The following RFX3 variants were observed in gnomAD, a reference collection of about 807,000 sequenced individuals.
RFX3 encodes the protein regulatory factor X3.
RFX3 carries 14 observed loss-of-function variants against 98.6 expected under a neutral mutation model. The ratio of observed to expected loss-of-function variants is 0.14; its 90% CI spans 0.09 to 0.22. The LOEUF (loss-of-function observed/expected upper bound fraction) is 0.22. Among genes scored for constraint, RFX3 ranks in the 10% least tolerant of loss-of-function variants. RFX3 has a pLI of 1.00. For synonymous variants in RFX3, 383 were observed against 328.4 expected (o/e 1.17, Z -1.80); for missense variants, 639 against 926.9 (o/e 0.69, Z 4.03).
intron 1 of RFX3, among the ~76,000 whole-genome samples, chr9:3,460,833 C>A (rs1389741630): frequency 6.6e-6 from 1 of 151,870 alleles, no homozygotes; most frequent in East Asian, 1.9e-4. Flanking sequence ...TGAGAAAAGA[C>A]AATGCTTCCC....
chr9:3,471,870 G>A (rs564600277), intron 1 of RFX3, among the ~76,000 whole-genome samples: 4 of 152,144 alleles, frequency 2.6e-5, no homozygotes, highest in Admixed American at 2.6e-4. Flanking sequence ...AATGCACTGC[G>A]ATTACTGAAT....
At chr9:3,490,045 A>G (rs762493818) in intron 1 of RFX3, among the ~76,000 whole-genome samples, 8 of 152,224 alleles carry the variant, frequency 5.3e-5, no homozygotes, top group East Asian at 3.8e-4. Flanking sequence ...CTGAAAACAC[A>G]TAACTATGTA....
chr9:3,406,077 C>G (rs926487481), intron 1 of RFX3, among the ~76,000 whole-genome samples: 2 of 152,092 alleles, frequency 1.3e-5, no homozygotes, highest in Non-Finnish European at 2.9e-5. Context: ...CCATCTCAGC[C>G]TCCTTAGTAG....
chr9:3,359,595 G>C (rs1281287946), intron 2 of RFX3, among the ~76,000 whole-genome samples: 2 of 152,016 alleles, frequency 1.3e-5, no homozygotes, highest in African/African-American at 4.8e-5. Context: ...ATATAGAGCA[G>C]CAACATTTTT....
At chr9:3,385,250 G>A (rs545611924) in intron 2 of RFX3, among the ~76,000 whole-genome samples, 1 of 152,150 alleles carries the variant, frequency 6.6e-6, no homozygotes, top group South Asian at 2.1e-4. Flanking sequence ...CATTTTATAG[G>A]ACACATTGAA....
intron 1 of RFX3, among the ~76,000 whole-genome samples, chr9:3,460,092 T>C (rs6476451): frequency 0.21 from 32,420 of 152,002 alleles, 6,058 homozygotes; most frequent in African/African-American, 0.51. Context: ...CCCAGTCTGG[T>C]ATCTTTCTCT....
intron 1 of RFX3, among the ~76,000 whole-genome samples, chr9:3,417,358 C>A (rs962581343): frequency 5.9e-5 from 9 of 151,994 alleles, no homozygotes; most frequent in African/African-American, 2.2e-4. Flanking sequence ...GAACATTCTA[C>A]CCAAAAACAG....
At chr9:3,308,942 C>T (rs1427139460) in intron 4 of RFX3, among the ~76,000 whole-genome samples, 3 of 151,934 alleles carry the variant, frequency 2.0e-5, no homozygotes, top group Non-Finnish European at 4.4e-5. Context: ...CCAGGAGTTG[C>T]CTTCATTTGG....
chr9:3,438,912 T>C (rs1176583000), intron 1 of RFX3, among the ~76,000 whole-genome samples: 1 of 151,998 alleles, frequency 6.6e-6, no homozygotes, highest in Admixed American at 6.6e-5. Flanking sequence ...AACCAAGATT[T>C]ATAATATTCT....
intron 1 of RFX3, among the ~76,000 whole-genome samples, chr9:3,492,846 T>C (rs947468885): frequency 3.3e-5 from 5 of 152,320 alleles, no homozygotes; most frequent in African/African-American, 7.2e-5. Context: ...CAGAGGATGT[T>C]TGATTTAACC....
At chr9:3,312,053 T>C (rs1830023663) in intron 4 of RFX3, among the ~76,000 whole-genome samples, 1 of 152,208 alleles carries the variant, frequency 6.6e-6, no homozygotes, top group Non-Finnish European at 1.5e-5. Flanking sequence ...ACAGAATTAA[T>C]AATGTAGGTA....
intron 3 of RFX3, among the ~76,000 whole-genome samples, chr9:3,335,574 C>T (rs558420936): frequency 2.0e-5 from 3 of 152,212 alleles, no homozygotes; most frequent in Non-Finnish European, 4.4e-5. Context: ...AGATAAATCC[C>T]CAAGCAATTC....
intron 15 of RFX3, among the ~76,000 whole-genome samples, chr9:3,234,619 A>T (rs563911209): frequency 6.6e-6 from 1 of 152,288 alleles, no homozygotes; most frequent in Non-Finnish European, 1.5e-5. Flanking sequence ...AGCCTGGGTG[A>T]CAGAGCAAGA....
At chr9:3,431,064 C>A (rs905045059) in intron 1 of RFX3, among the ~76,000 whole-genome samples, 3 of 152,102 alleles carry the variant, frequency 2.0e-5, no homozygotes, top group African/African-American at 4.8e-5. Context: ...AACTATAATA[C>A]CTACTGTGCA....
Position 3,222,572 on chromosome 9 carries a change from T to C in RFX3, c.*2470A>G, listed in dbSNP as rs1025644818. On this transcript the variant is annotated 3_prime_UTR_variant, in exon 17 of 17. Transcript: ENST00000617270. ...AAATACATTTGGTCCAATACAGATA[T>C]AGTATCACTCAAAGGATGGCGGGTA... 2 of 150,146 alleles carry C rather than the reference T, an allele frequency of 1.3e-5. No homozygotes were observed. The highest frequency in any genetic ancestry group is 6.6e-5 in the Admixed American group (1 of 15,236). The allele number at this position is 150,146 out of a possible 1,614,324, so 9.3% of individuals were successfully genotyped here.
At chr9:3,485,657 G>T (rs1850199204) in intron 1 of RFX3, among the ~76,000 whole-genome samples, 1 of 152,108 alleles carries the variant, frequency 6.6e-6, no homozygotes, top group African/African-American at 2.4e-5. Flanking sequence ...AATTTGAAAT[G>T]AACTTGTAAT....
In RFX3 at chr9:3,234,912, T is replaced by G. The variant is rs1020745821; in HGVS notation, c.1969-6023A>C. ...AGAGCCTTCAAGAGAGGACAGCTCA[T>G]GCATATGGGCATCAACTGATGAAGG... On this transcript the variant is annotated intron_variant, in intron 15 of 16. Transcript: ENST00000617270. 5.9e-5 allele frequency among the ~76,000 whole-genome samples: 9 copies of G among 152,218 alleles called. No individual in the cohort carries two copies. The East Asian group carries it at 1.5e-3, about 26-fold the overall frequency.
At chr9:3,445,380 T>C (rs982501020) in intron 1 of RFX3, among the ~76,000 whole-genome samples, 13 of 151,690 alleles carry the variant, frequency 8.6e-5, no homozygotes, top group Non-Finnish European at 1.9e-4. Flanking sequence ...GCAAAACATC[T>C]TGAACACATC....
intron 4 of RFX3, among the ~76,000 whole-genome samples, chr9:3,321,148 C>T (rs893402067): frequency 1.3e-5 from 2 of 152,146 alleles, no homozygotes; most frequent in African/African-American, 4.8e-5. Flanking sequence ...AGGTGATCCA[C>T]CCGCCTCAGG....
Sources: allele counts gnomAD v4.1 joint callset (sites outside exome capture counted in the v4.1 genomes callset), GRCh38; gene constraint gnomAD v4.1.1; transcripts MANE v1.5; gene names NCBI Gene and HGNC (gene_info 2026-07-23, HGNC 2026-07-21).